FAM193A: variants seen among roughly 807,000 people sequenced by gnomAD.
The protein encoded by FAM193A is protein FAM193A.
In FAM193A, 22 loss-of-function variants were observed where a neutral mutation model predicts 126.5. The observed-to-expected ratio is 0.17, with a 90% CI of 0.12 to 0.25. The LOEUF (loss-of-function observed/expected upper bound fraction) is 0.25. FAM193A is among the 10% of genes least tolerant of loss of function. FAM193A has a pLI of 1.00. For synonymous variants in FAM193A, 761 were observed against 646.8 expected (o/e 1.18, Z -2.68); for missense variants, 1,675 against 1,672.8 (o/e 1.00, Z -0.02).
chr4:2,678,360 G>GTTTTT (rs201173761), intron 13 of FAM193A, among the ~76,000 whole-genome samples: 10 of 120,158 alleles, frequency 8.3e-5, no homozygotes, highest in African/African-American at 3.2e-4. Flanking sequence ...GGTTTTGGTG[G>GTTTTT]TTTTTTTTTT....
At chr4:2,713,279 A>C (rs1202193539) in intron 19 of FAM193A, among the ~76,000 whole-genome samples, 1 of 147,736 alleles carries the variant, frequency 6.8e-6, no homozygotes, top group Non-Finnish European at 1.5e-5. Context: ...GGTGGCGCGC[A>C]CCTGTAGTCC....
At chr4:2,596,826 G>A (rs1256947853) in intron 2 of FAM193A, among the ~76,000 whole-genome samples, 1 of 152,062 alleles carries the variant, frequency 6.6e-6, no homozygotes, top group East Asian at 1.9e-4. Context: ...CCCTTGTTCC[G>A]GGCAGGCTTT....
chr4:2,697,061 T>C (rs1182146659), intron 18 of FAM193A, among the ~76,000 whole-genome samples: 1 of 152,148 alleles, frequency 6.6e-6, no homozygotes, highest in Non-Finnish European at 1.5e-5. Flanking sequence ...ATGCTGCTCT[T>C]GTCCCACTGC....
intron 19 of FAM193A, chr4:2,708,221 G>A (rs902934419): frequency 6.8e-6 from 3 of 440,466 alleles, no homozygotes; most frequent in Non-Finnish European, 1.4e-5. Context: ...CGCCTCCCAG[G>A]TTCAAGCGAT....
chr4:2,655,450 T>TGTG (rs1401330765), intron 7 of FAM193A, among the ~76,000 whole-genome samples: 1 of 149,970 alleles, frequency 6.7e-6, no homozygotes, highest in African/African-American at 2.4e-5. Context: ...TGTGCGCCTG[T>TGTG]GTGTGTGTGT....
chr4:2,638,311 A>G (rs1438991525), intron 5 of FAM193A, among the ~76,000 whole-genome samples: 1 of 152,252 alleles, frequency 6.6e-6, no homozygotes, highest in Non-Finnish European at 1.5e-5. Context: ...TACCTGGCAC[A>G]GGGCCTGGGC....
chr4:2,591,086 A>G (rs1378977785), intron 1 of FAM193A, among the ~76,000 whole-genome samples: 1 of 151,930 alleles, frequency 6.6e-6, no homozygotes, highest in African/African-American at 2.4e-5. Flanking sequence ...TGCGTGTGAC[A>G]CGTATTGATT....
chr4:2,612,082 T>C (rs1741911280), intron 2 of FAM193A, among the ~76,000 whole-genome samples: 2 of 150,916 alleles, frequency 1.3e-5, no homozygotes, highest in South Asian at 4.2e-4. Context: ...GTGTTCCGTC[T>C]GTCTCGGCCT....
At chr4:2,598,566 G>C (rs1032060403) in intron 2 of FAM193A, among the ~76,000 whole-genome samples, 1 of 152,230 alleles carries the variant, frequency 6.6e-6, no homozygotes, top group Non-Finnish European at 1.5e-5. Context: ...AAATGAGTTA[G>C]AATGTGTTCC....
In FAM193A at chr4:2,590,473, AAAC is replaced by A. The variant is rs1183223285; in HGVS notation, c.256-5608_256-5606del. Among the ~76,000 whole-genome samples the A allele has an allele frequency of 9.9e-3, 791 of 79,856 alleles. 140 individuals carry two copies. The highest frequency in any genetic ancestry group is 0.065 in the African/African-American group (713 of 11,028). The allele number at this position is 79,856 out of a possible 152,430, so 52.4% of individuals were successfully genotyped here. The stretch of plus-strand genomic sequence containing the variant: ...AGCGAGACTCCATCTCAAAAAAAAA[AAAC>A]AAAAAAAAACAAAAAAAAACAAAAA... On this transcript the variant is annotated intron_variant, in intron 1 of 20. Coordinates refer to ENST00000637812, the MANE Select transcript of FAM193A (RefSeq NM_001366318.2).
At chr4:2,661,800 T>C (rs933993734) in intron 10 of FAM193A, among the ~76,000 whole-genome samples, 2 of 152,208 alleles carry the variant, frequency 1.3e-5, no homozygotes, top group Non-Finnish European at 2.9e-5. Flanking sequence ...GAGCATCTTA[T>C]TGCACTGAGC....
At chr4:2,618,304 T>G (rs1029934602) in intron 2 of FAM193A, among the ~76,000 whole-genome samples, 1 of 152,202 alleles carries the variant, frequency 6.6e-6, no homozygotes, top group Admixed American at 6.5e-5. Flanking sequence ...TCCTCAAATT[T>G]AGAAATATTT....
chr4:2,580,425 G>A (rs77177157), intron 1 of FAM193A, among the ~76,000 whole-genome samples: 1 of 152,050 alleles, frequency 6.6e-6, no homozygotes, highest in Non-Finnish European at 1.5e-5. Flanking sequence ...TACAACAAAC[G>A]CCTGTGACAC....
chr4:2,665,861 T>C (rs1022072939), intron 12 of FAM193A, among the ~76,000 whole-genome samples: 4 of 152,198 alleles, frequency 2.6e-5, no homozygotes, highest in Non-Finnish European at 5.9e-5. Flanking sequence ...TTTTCTTTTT[T>C]TTTGAGACGG....
chr4:2,535,521 CTG>C (rs2108792121), upstream of FAM193A, among the ~76,000 whole-genome samples: 1 of 151,028 alleles, frequency 6.6e-6, no homozygotes, highest in East Asian at 1.9e-4. Flanking sequence ...CTTTGTGCCT[CTG>C]TGTCTGTGGT....
intron 1 of FAM193A, among the ~76,000 whole-genome samples, chr4:2,591,830 C>G (rs1385609441): frequency 6.6e-6 from 1 of 152,150 alleles, no homozygotes; most frequent in Non-Finnish European, 1.5e-5. Flanking sequence ...GCCACAGTCA[C>G]TGGGTGGTAG....
chr4:2,627,559 C>A (rs567817957), intron 4 of FAM193A, among the ~76,000 whole-genome samples: 13 of 144,002 alleles, frequency 9.0e-5, no homozygotes, highest in African/African-American at 3.3e-4. Flanking sequence ...ATTTTGAATG[C>A]AGCACATTTG....
intron 19 of FAM193A, among the ~76,000 whole-genome samples, chr4:2,702,416 T>A (rs1577236244): frequency 2.0e-5 from 3 of 152,170 alleles, no homozygotes; most frequent in Admixed American, 6.5e-5. Context: ...ACCAGCCATT[T>A]CTCCAAGGAG....
intron 20 of FAM193A, among the ~76,000 whole-genome samples, chr4:2,717,804 C>A (rs553205295): frequency 6.6e-6 from 1 of 151,408 alleles, no homozygotes. Flanking sequence ...CAGGCGCCTG[C>A]CACCACGCCC....
Sources: gnomAD v4.1 joint callset for allele counts (sites outside exome capture counted in the v4.1 genomes callset) on GRCh38, gnomAD v4.1.1 for gene constraint, MANE v1.5 for transcripts, NCBI Gene and HGNC (gene_info 2026-07-23, HGNC 2026-07-21) for gene names.